The following CELA1 variants were observed in gnomAD, a reference collection of about 807,000 sequenced individuals.
CELA1 encodes chymotrypsin-like elastase family member 1.
A neutral mutation model predicts 34.8 loss-of-function variants in CELA1; 28 were observed. The ratio of observed to expected loss-of-function variants is 0.80; its 90% CI spans 0.60 to 1.10. The LOEUF (loss-of-function observed/expected upper bound fraction) is 1.10. Ranked by LOEUF, CELA1 falls within the 50% of genes least tolerant of loss-of-function variation. The pLI is 0.00. For missense variants in CELA1, 288 were observed against 327.5 expected (o/e 0.88, Z 0.93); for synonymous variants, 140 against 129.8 (o/e 1.08, Z -0.53).
intron 3 of CELA1, among the ~76,000 whole-genome samples, chr12:51,343,091 T>A (rs945546875): frequency 2.0e-5 from 3 of 152,194 alleles, no homozygotes; most frequent in Admixed American, 6.5e-5. Context: ...ATCACTTTGA[T>A]TTTCTCGGTT....
chr12:51,333,040 C>T (rs17860346), intron 6 of CELA1, among the ~76,000 whole-genome samples: 12,801 of 151,920 alleles, frequency 0.084, 599 homozygotes, highest in Non-Finnish European at 0.11. Flanking sequence ...GGTGATTCTC[C>T]TGCCTCAGCC....
chr12:51,338,303 C>CATAT (rs56698369), intron 6 of CELA1, among the ~76,000 whole-genome samples: 43 of 142,158 alleles, frequency 3.0e-4, no homozygotes, highest in African/African-American at 1.0e-3. Flanking sequence ...CATACGCATA[C>CATAT]ATATATATAT....
At position 51,341,399 on chromosome 12, in the gene CELA1, C is replaced by T. The variant is rs1946534433; in HGVS notation, c.327-19G>A. On this transcript the variant is annotated intron_variant, in intron 4 of 7. Transcript: ENST00000293636. ...GTCATAGCTGCAGGAGAAAAGGAGACTGCTCACTCATGGGATCAGCTCTTC... is the reference window on the plus strand; with the variant it reads ...GTCATAGCTGCAGGAGAAAAGGAGATTGCTCACTCATGGGATCAGCTCTTC... The T allele has an allele frequency of 1.2e-6, 2 of 1,613,854 alleles. No individual in the cohort carries two copies. The highest frequency in any genetic ancestry group is 2.2e-5 in the South Asian group (2 of 91,076).
chr12:51,329,796 C>T lies in CELA1; in HGVS notation c.647G>A (p.Gly216Asp), dbSNP rs1325581692. Residue 216 changes from glycine to aspartate, a missense_variant, in exon 7 of 8, where the codon GGC (glycine) becomes GAC (aspartate). Physicochemically the swap from Gly to Asp is moderately conservative, Grantham distance 94. Coordinates refer to ENST00000293636, the MANE Select transcript of CELA1 (RefSeq NM_001971.6). ...SGGPLHCLVN[G>D]KYSVHGVTSF... Reference sequence around the variant, plus strand: ...GGTCACTCCATGGACAGAATACTTGCCATTCACCAAGCAATGGAGGGGGCC... The same window carrying T: ...GGTCACTCCATGGACAGAATACTTGTCATTCACCAAGCAATGGAGGGGGCC... 1 of 1,610,124 alleles carries T rather than the reference C, an allele frequency of 6.2e-7. No individual in the cohort carries two copies. Among genetic ancestry groups the T allele is most frequent in the Admixed American group, 1.7e-5 (1 of 59,394 alleles).
intron 2 of CELA1, among the ~76,000 whole-genome samples, 180 bp from the exon 3 acceptor site, chr12:51,344,033 A>G (rs1395740660): frequency 6.6e-6 from 1 of 152,214 alleles, no homozygotes; most frequent in Non-Finnish European, 1.5e-5. Flanking sequence ...CGCCTCTACA[A>G]CGTCAAAAAT....
intron 4 of CELA1, 89 bp downstream of exon 4, chr12:51,342,486 A>G (rs1426121407): frequency 1.3e-5 from 21 of 1,579,982 alleles, no homozygotes; most frequent in Non-Finnish European, 1.8e-5. Flanking sequence ...CAATCCCTCT[A>G]GCCCTCTGAA....
chr12:51,335,241 T>A (rs1308504014), intron 6 of CELA1, among the ~76,000 whole-genome samples: 1 of 152,136 alleles, frequency 6.6e-6, no homozygotes, highest in East Asian at 1.9e-4. Context: ...CCTCTCTGCC[T>A]ATTTATGCAC....
At chr12:51,339,515 C>G (rs1946520422) in intron 6 of CELA1, among the ~76,000 whole-genome samples, 1 of 152,100 alleles carries the variant, frequency 6.6e-6, no homozygotes, top group Non-Finnish European at 1.5e-5. Flanking sequence ...CGTCCCATTG[C>G]ACTCCAGTCT....
intron 6 of CELA1, among the ~76,000 whole-genome samples, chr12:51,332,150 A>G (rs1250821431): frequency 6.6e-6 from 1 of 151,170 alleles, no homozygotes; most frequent in Non-Finnish European, 1.5e-5. Context: ...GTGCTACTGC[A>G]CTCCAGCCTG....
chr12:51,334,151 G>A (rs1402166434), intron 6 of CELA1, among the ~76,000 whole-genome samples: 1 of 152,186 alleles, frequency 6.6e-6, no homozygotes, highest in Non-Finnish European at 1.5e-5. Context: ...GCAGCCAGAA[G>A]AAAAGTACTC....
Position 51,332,960 on chromosome 12 carries a change from C to T in CELA1, c.610-3127G>A, listed in dbSNP as rs543634974. Among the ~76,000 whole-genome samples, 17 of 152,270 alleles carry T rather than the reference C, an allele frequency of 1.1e-4. No homozygotes were observed. The East Asian group carries it at 3.1e-3, about 28-fold the overall frequency. On this transcript the variant is annotated intron_variant, in intron 6 of 7. Coordinates refer to ENST00000293636, the MANE Select transcript of CELA1 (RefSeq NM_001971.6). ...GTGTGTTTGTTTTGAGATGGAGTCT[C>T]GCTCTGTCGTCCAGGCTGGAGTGCA...
At chr12:51,337,571 A>G (rs1203214210) in intron 6 of CELA1, among the ~76,000 whole-genome samples, 1 of 150,608 alleles carries the variant, frequency 6.6e-6, no homozygotes, top group Non-Finnish European at 1.5e-5. Context: ...AAGCAGCCAT[A>G]AACAGTTTGT....
At chr12:51,329,594 G>T in intron 7 of CELA1, 90 bp downstream of exon 7, 8 of 1,341,788 alleles carry the variant, frequency 6.0e-6, no homozygotes, top group East Asian at 2.4e-5. Flanking sequence ...ATGACGGCTT[G>T]CCCAGTCCAT....
intron 7 of CELA1, among the ~76,000 whole-genome samples, chr12:51,328,878 T>C (rs1345435378): frequency 6.6e-6 from 1 of 152,098 alleles, no homozygotes; most frequent in African/African-American, 2.4e-5. Flanking sequence ...CACAGTGAAA[T>C]GTGTTGTGTG....
At position 51,342,221 on chromosome 12, in the gene CELA1, G is replaced by A. The variant is rs188578202; in HGVS notation, c.326+354C>T. 1.4e-4 allele frequency among the ~76,000 whole-genome samples: 21 copies of A among 151,660 alleles called. No individual in the cohort carries two copies. In the East Asian group the frequency reaches 4.1e-3, roughly 29 times the overall value. On this transcript the variant is annotated intron_variant, in intron 4 of 7. Coordinates refer to ENST00000293636, the MANE Select transcript of CELA1 (RefSeq NM_001971.6). ...TTTTTTTTTTTGTATTTTTAGTACA[G>A]ACAGGGTTTCACCATATTGGTCAGG...
At chr12:51,329,506 C>T (rs1946455740) in intron 7 of CELA1, among the ~76,000 whole-genome samples, 178 bp downstream of exon 7, 1 of 151,932 alleles carries the variant, frequency 6.6e-6, no homozygotes, top group African/African-American at 2.4e-5. Context: ...GGAGGGAATT[C>T]AGGATGGCAG....
intron 6 of CELA1, among the ~76,000 whole-genome samples, chr12:51,339,172 T>G (rs1946517841): frequency 6.6e-6 from 1 of 152,216 alleles, no homozygotes; most frequent in African/African-American, 2.4e-5. Flanking sequence ...GTAGGACTGA[T>G]AGGTAAGAGG....
chr12:51,336,519 T>C (rs1946500464), intron 6 of CELA1, among the ~76,000 whole-genome samples: 1 of 152,070 alleles, frequency 6.6e-6, no homozygotes, highest in Non-Finnish European at 1.5e-5. Flanking sequence ...CCCGGCTACT[T>C]AGGAACCTGA....
chr12:51,345,704 G>T (rs1946561445), intron 2 of CELA1, 91 bp downstream of exon 2: 2 of 920,634 alleles, frequency 2.2e-6, no homozygotes, highest in Admixed American at 2.0e-5. Context: ...GCTGCTTGTT[G>T]ATAGGGACAT....
Sources: gnomAD v4.1 joint callset for allele counts (sites outside exome capture counted in the v4.1 genomes callset) on GRCh38, gnomAD v4.1.1 for gene constraint, MANE v1.5 for transcripts, NCBI Gene and HGNC (gene_info 2026-07-23, HGNC 2026-07-21) for gene names.